EPB41L2: variants seen among roughly 807,000 people sequenced by gnomAD.
The protein encoded by EPB41L2 is erythrocyte membrane protein band 4.1 like 2.
In EPB41L2, 43 loss-of-function variants were observed where a neutral mutation model predicts 113.0. The observed-to-expected ratio is 0.38, with a 90% CI of 0.30 to 0.49. The LOEUF (loss-of-function observed/expected upper bound fraction) is 0.49. Ranked by LOEUF, EPB41L2 falls within the 20% of genes least tolerant of loss-of-function variation. The probability of loss-of-function intolerance (pLI) is 0.95; values close to 1 mark genes in which losing one functional copy is unlikely to be tolerated. For synonymous variants in EPB41L2, 442 were observed against 436.7 expected, an observed-to-expected ratio of 1.01 and a Z score of -0.15; for missense variants, 1,147 against 1,223.4, an observed-to-expected ratio of 0.94 and a Z score of 0.93.
At chr6:130,958,653 A>G (rs1202316812) in intron 1 of EPB41L2, among the ~76,000 whole-genome samples, 1 of 152,182 alleles carries the variant, frequency 6.6e-6, no homozygotes, top group Non-Finnish European at 1.5e-5. Context: ...GAAACATGAG[A>G]ACATTCCTCA....
rs184125238 is a variant in EPB41L2, at chr6:130,917,783, T to C, written c.810+8822A>G. Among the ~76,000 whole-genome samples the C allele has an allele frequency of 2.0e-5, 3 of 152,286 alleles. No homozygotes were observed. In the East Asian group the frequency reaches 5.8e-4, roughly 29 times the overall value. On this transcript the variant is annotated intron_variant, in intron 4 of 19. Transcript: ENST00000337057. The stretch of plus-strand genomic sequence containing the variant: ...CAGTTCCTTTCCCCCCAAAAAAATC[T>C]ATCTCATTCATTTAATTCTCCTTTA...
intron 19 of EPB41L2, among the ~76,000 whole-genome samples, chr6:130,851,409 C>G (rs1778750017): frequency 6.6e-6 from 1 of 152,220 alleles, no homozygotes; most frequent in Non-Finnish European, 1.5e-5. Context: ...GTACCCACAA[C>G]AGTGGAAAAA....
At chr6:130,992,418 T>G (rs1782092054) in intron 1 of EPB41L2, among the ~76,000 whole-genome samples, 1 of 152,132 alleles carries the variant, frequency 6.6e-6, no homozygotes, top group Non-Finnish European at 1.5e-5. Context: ...CCTAATAACT[T>G]AGGCTTGTGG....
intron 3 of EPB41L2, among the ~76,000 whole-genome samples, chr6:130,933,530 C>T (rs2128567574): frequency 6.7e-6 from 1 of 150,288 alleles, no homozygotes; most frequent in South Asian, 2.1e-4. Context: ...GGTCTACTTT[C>T]CAGGTATCAG....
Position 131,008,050 on chromosome 6 carries a change from T to A in EPB41L2, c.-14-51551A>T, listed in dbSNP as rs921690839. ...TTTGCATGAGCAACAAGGAGCCAAA[T>A]GTTAATCCCAAGACAATGGGAAAAA... On this transcript the variant is annotated intron_variant, in intron 1 of 19. Coordinates refer to ENST00000337057, the MANE Select transcript of EPB41L2 (RefSeq NM_001431.4). Among the ~76,000 whole-genome samples the A allele has an allele frequency of 3.3e-5, 5 of 152,224 alleles. 1 individual carries two copies. The East Asian group carries it at 9.6e-4, about 29-fold the overall frequency.
chr6:131,002,874 G>A (rs1176110987), intron 1 of EPB41L2, among the ~76,000 whole-genome samples: 1 of 152,096 alleles, frequency 6.6e-6, no homozygotes, highest in Admixed American at 6.5e-5. Flanking sequence ...TTTAACCCTC[G>A]GGGTCAATGA....
chr6:130,901,784 T>C (rs1322919353), intron 6 of EPB41L2, among the ~76,000 whole-genome samples: 2 of 152,202 alleles, frequency 1.3e-5, no homozygotes, highest in Non-Finnish European at 2.9e-5. Context: ...TTTACTTGCC[T>C]AAGGGTAATT....
chr6:130,942,781 G>A (rs1422393128), intron 3 of EPB41L2, among the ~76,000 whole-genome samples: 2 of 152,084 alleles, frequency 1.3e-5, no homozygotes, highest in South Asian at 2.1e-4. Flanking sequence ...GCCCTGGTGT[G>A]TGATGTTCCC....
At chr6:130,954,151 C>T (rs1400884207) in intron 3 of EPB41L2, among the ~76,000 whole-genome samples, 2 of 146,616 alleles carry the variant, frequency 1.4e-5, no homozygotes, top group South Asian at 2.2e-4. Context: ...CTCCCGGGTT[C>T]ACGCCATTCT....
chr6:130,966,497 G>A (rs571185461), intron 1 of EPB41L2, among the ~76,000 whole-genome samples: 3 of 136,818 alleles, frequency 2.2e-5, no homozygotes, highest in African/African-American at 5.7e-5. Flanking sequence ...TAAAGGATGC[G>A]AATATGCATA....
chr6:130,848,606 A>C (rs1345261106), intron 19 of EPB41L2, among the ~76,000 whole-genome samples: 1 of 152,218 alleles, frequency 6.6e-6, no homozygotes, highest in Non-Finnish European at 1.5e-5. Context: ...GGTATTGGCT[A>C]CCATACTGGA....
At chr6:130,926,513 A>T in intron 4 of EPB41L2, 92 bp downstream of exon 4, 2 of 944,098 alleles carry the variant, frequency 2.1e-6, no homozygotes, top group Non-Finnish European at 3.3e-6. Context: ...CACCTAAGTT[A>T]TTTTAAAGCT....
At position 130,956,787 on chromosome 6, in the gene EPB41L2, G is replaced by A. The variant is rs565902535; in HGVS notation, c.-14-288C>T. ...AAATCATCAAGAACTCAAGAAACAG[G>A]GATTACTTTTATTTGGTTTCAACTT... On this transcript the variant is annotated intron_variant, in intron 1 of 19. Coordinates refer to ENST00000337057, the MANE Select transcript of EPB41L2 (RefSeq NM_001431.4). 2.0e-3 allele frequency among the ~76,000 whole-genome samples: 311 copies of A among 152,080 alleles called. 7 individuals are homozygous for A. The highest frequency in any genetic ancestry group is 4.7e-4 in the Non-Finnish European group (32 of 67,960).
intron 15 of EPB41L2, 24 bp downstream of exon 15, chr6:130,869,539 C>T (rs1173008511): frequency 3.1e-6 from 5 of 1,603,316 alleles, no homozygotes; most frequent in Admixed American, 1.7e-5. Context: ...TAGAGTTTGG[C>T]TCCCACCTGG....
chr6:131,006,863 T>C (rs925525125), intron 1 of EPB41L2, among the ~76,000 whole-genome samples: 1 of 151,990 alleles, frequency 6.6e-6, no homozygotes, highest in Non-Finnish European at 1.5e-5. Context: ...TCTCCAACAA[T>C]TCTCTAACCC....
intron 1 of EPB41L2, among the ~76,000 whole-genome samples, chr6:130,993,468 T>A (rs1782357826): frequency 6.6e-6 from 1 of 152,172 alleles, no homozygotes; most frequent in South Asian, 2.1e-4. Context: ...ACACACTGTT[T>A]TAATGAGCGC....
chr6:130,983,823 C>T (rs1779918180), intron 1 of EPB41L2, among the ~76,000 whole-genome samples: 1 of 152,020 alleles, frequency 6.6e-6, no homozygotes, highest in Admixed American at 6.5e-5. Flanking sequence ...GATACCATGC[C>T]CAGCCTGACT....
At chr6:130,921,345 C>T (rs1408242308) in intron 4 of EPB41L2, among the ~76,000 whole-genome samples, 4 of 152,176 alleles carry the variant, frequency 2.6e-5, no homozygotes, top group African/African-American at 9.7e-5. Context: ...TTTCCAGCTG[C>T]TTTCCCATAA....
intron 1 of EPB41L2, among the ~76,000 whole-genome samples, chr6:130,992,599 G>C (rs1280573600): frequency 6.6e-6 from 1 of 151,486 alleles, no homozygotes; most frequent in Non-Finnish European, 1.5e-5. Context: ...TCCTTTCTCT[G>C]TATGTATTTC....
Sources: allele counts gnomAD v4.1 joint callset (sites outside exome capture counted in the v4.1 genomes callset), GRCh38; gene constraint gnomAD v4.1.1; transcripts MANE v1.5; gene names NCBI Gene and HGNC (gene_info 2026-07-23, HGNC 2026-07-21).